The following MME variants were observed in gnomAD, a reference collection of about 807,000 sequenced individuals.
MME encodes neprilysin.
In MME, 98 loss-of-function variants were observed where a neutral mutation model predicts 113.2. The ratio of observed to expected loss-of-function variants is 0.87; its 90% CI spans 0.74 to 1.02. The LOEUF is 1.02. MME is among the 50% of genes least tolerant of loss of function. The pLI is 0.00. For missense variants in MME, 836 were observed against 896.0 expected (o/e 0.93, Z 0.86); for synonymous variants, 292 against 300.6 (o/e 0.97, Z 0.30).
intron 1 of MME, among the ~76,000 whole-genome samples, chr3:155,031,415 G>A (rs1309801822): frequency 6.6e-6 from 1 of 151,984 alleles, no homozygotes; most frequent in African/African-American, 2.4e-5. Flanking sequence ...GAGATGTGTG[G>A]GAGTTGAGGG....
chr3:155,026,899 A>T (rs113076940), intron 1 of MME, among the ~76,000 whole-genome samples: 1,697 of 152,324 alleles, frequency 0.011, 18 homozygotes, highest in African/African-American at 0.028. Flanking sequence ...TTATGTCTTT[A>T]AACAAAACAA....
chr3:155,066,002 G>A (rs1246841160), intron 1 of MME, among the ~76,000 whole-genome samples: 1 of 152,154 alleles, frequency 6.6e-6, no homozygotes, highest in African/African-American at 2.4e-5. Flanking sequence ...AAGTAATTCA[G>A]GAGTGTTTCA....
At chr3:155,105,866 C>T (rs1033308774) in intron 3 of MME, among the ~76,000 whole-genome samples, 8 of 152,130 alleles carry the variant, frequency 5.3e-5, no homozygotes, top group African/African-American at 1.4e-4. Flanking sequence ...TACATTTAAG[C>T]GTCTTTGGCT....
At chr3:155,135,350 A>G (rs1386250062) in intron 8 of MME, among the ~76,000 whole-genome samples, 3 of 152,210 alleles carry the variant, frequency 2.0e-5, no homozygotes, top group Non-Finnish European at 2.9e-5. Flanking sequence ...ATTCTTCTGC[A>G]TATGACTAGC....
At chr3:155,155,727 C>T (rs1237171081) in intron 16 of MME, among the ~76,000 whole-genome samples, 1 of 152,150 alleles carries the variant, frequency 6.6e-6, no homozygotes, top group Non-Finnish European at 1.5e-5. Context: ...CTCAGAATTA[C>T]TTTAAATCAG....
At chr3:155,088,284 C>A (rs923026184) in intron 3 of MME, among the ~76,000 whole-genome samples, 2 of 152,032 alleles carry the variant, frequency 1.3e-5, no homozygotes, top group African/African-American at 4.8e-5. Context: ...ACAACTATTT[C>A]TTTTAGAAGT....
At chr3:155,156,411 T>C (rs1259141998) in intron 16 of MME, among the ~76,000 whole-genome samples, 1 of 152,180 alleles carries the variant, frequency 6.6e-6, no homozygotes, top group African/African-American at 2.4e-5. Context: ...AAAATGGCAT[T>C]AATCCCTGTA....
rs140426990 is a variant in MME at position 155,046,551 on chromosome 3, G to A, written c.-11+22227G>A. On this transcript the variant is annotated intron_variant, in intron 1 of 22. Transcript: ENST00000492661. ...AAAAATACAAAAAAATTAGGTGGGC[G>A]TGGTGGTGGGCACCTGTAATCCCAG... 4.9e-3 allele frequency among the ~76,000 whole-genome samples: 748 copies of A among 152,224 alleles called. 5 individuals are homozygous for A. Among genetic ancestry groups the A allele is most frequent in the East Asian group, 0.016 (85 of 5,160 alleles).
chr3:155,139,307 T>C (rs1377582069), intron 9 of MME, among the ~76,000 whole-genome samples: 2 of 152,150 alleles, frequency 1.3e-5, no homozygotes, highest in Non-Finnish European at 2.9e-5. Context: ...CTCACTCTTG[T>C]ATTAGATTCT....
intron 3 of MME, among the ~76,000 whole-genome samples, chr3:155,086,319 G>T (rs1053169717): frequency 6.6e-6 from 1 of 152,168 alleles, no homozygotes; most frequent in Non-Finnish European, 1.5e-5. Context: ...AAATAGAGAG[G>T]TTATGAGGTG....
rs768050657 is a variant in MME, at chr3:155,052,235, T to C, written c.-11+27911T>C. 3.4e-4 allele frequency among the ~76,000 whole-genome samples: 52 copies of C among 152,278 alleles called. 1 individual carries two copies. Among genetic ancestry groups the C allele is most frequent in the Middle Eastern group, 3.4e-3 (1 of 294 alleles). Reference sequence around the variant, plus strand: ...GCCTGTGGCTTTTCCAGGTGCAGAATGTAAGCTGTCAGTGTATCTCCCATT... The same window carrying C: ...GCCTGTGGCTTTTCCAGGTGCAGAACGTAAGCTGTCAGTGTATCTCCCATT... On this transcript the variant is annotated intron_variant, in intron 1 of 22. Coordinates refer to the MME transcript ENST00000492661.
intron 1 of MME, among the ~76,000 whole-genome samples, chr3:155,051,477 G>A (rs533283199): frequency 2.6e-5 from 4 of 152,272 alleles, no homozygotes; most frequent in African/African-American, 9.6e-5. Flanking sequence ...TGGCAAAGGA[G>A]GCCTCAAGAA....
chr3:155,033,314 A>G (rs1713032284), intron 1 of MME, among the ~76,000 whole-genome samples: 1 of 152,220 alleles, frequency 6.6e-6, no homozygotes, highest in Non-Finnish European at 1.5e-5. Flanking sequence ...AGAAGAAAAT[A>G]CAGTGAAATC....
chr3:155,067,756 G>A (rs1714432173), intron 1 of MME, among the ~76,000 whole-genome samples: 1 of 152,064 alleles, frequency 6.6e-6, no homozygotes, highest in South Asian at 2.1e-4. Flanking sequence ...CAATTACAAT[G>A]GCTAAAACTA....
intron 22 of MME, among the ~76,000 whole-genome samples, chr3:155,178,659 A>T (rs1712794629): frequency 6.6e-6 from 1 of 152,122 alleles, no homozygotes. Context: ...CTCCCTGCAG[A>T]TATCAAAATT....
intron 1 of MME, among the ~76,000 whole-genome samples, chr3:155,082,476 C>T (rs1163136770): frequency 1.3e-5 from 2 of 152,244 alleles, no homozygotes; most frequent in East Asian, 3.9e-4. Context: ...TCCCCTCTTT[C>T]CTTTGCCCAA....
chr3:155,098,502 G>T lies in MME; in HGVS notation c.196+13408G>T, dbSNP rs1178572173. On this transcript the variant is annotated intron_variant, in intron 3 of 22. Transcript: ENST00000360490. ...ACCCAGGAGGTGGAGGTTGCAATGA[G>T]CCAAGATCGCACCACTGCACTCCGG... is the stretch of plus-strand genomic sequence containing the variant. Among the ~76,000 whole-genome samples, 5 of 151,890 alleles carry T rather than the reference G, an allele frequency of 3.3e-5. No homozygotes were observed. The East Asian group carries it at 9.7e-4, about 29-fold the overall frequency.
intron 22 of MME, among the ~76,000 whole-genome samples, chr3:155,173,838 T>C (rs1712230728): frequency 2.0e-5 from 3 of 152,104 alleles, no homozygotes; most frequent in Admixed American, 1.3e-4. Flanking sequence ...AACTTAAGCT[T>C]TGAGGTAAGA....
At chr3:155,164,589 T>C (rs1722953990) in intron 17 of MME, among the ~76,000 whole-genome samples, 1 of 152,180 alleles carries the variant, frequency 6.6e-6, no homozygotes, top group Non-Finnish European at 1.5e-5. Flanking sequence ...CAGGGTATGA[T>C]TAAAGCAGCA....
Sources: gnomAD v4.1 joint callset for allele counts (sites outside exome capture counted in the v4.1 genomes callset) on GRCh38, gnomAD v4.1.1 for gene constraint, MANE v1.5 for transcripts, NCBI Gene and HGNC (gene_info 2026-07-23, HGNC 2026-07-21) for gene names.